The following FERMT3 variants were observed in gnomAD, a reference collection of about 807,000 sequenced individuals.
The protein encoded by FERMT3 is fermitin family homolog 3.
In FERMT3, 33 loss-of-function variants were observed where a neutral mutation model predicts 80.8. The observed-to-expected ratio is 0.41, with a 90% CI of 0.31 to 0.55. FERMT3 has a LOEUF of 0.55. Among genes scored for constraint, FERMT3 ranks in the 20% least tolerant of loss-of-function variants. The pLI is 0.31. For synonymous variants in FERMT3, 375 were observed against 372.2 expected (o/e 1.01, Z -0.09); for missense variants, 754 against 908.7 (o/e 0.83, Z 2.19).
intron 6 of FERMT3, among the ~76,000 whole-genome samples, chr11:64,215,303 G>C (rs1432729462): frequency 6.6e-6 from 1 of 152,178 alleles, no homozygotes; most frequent in Non-Finnish European, 1.5e-5. Context: ...TAATAAAGTT[G>C]AGTCCCTTTT....
At chr11:64,222,784 C>T (rs573187837) in intron 13 of FERMT3, among the ~76,000 whole-genome samples, 4 of 152,222 alleles carry the variant, frequency 2.6e-5, no homozygotes, top group Non-Finnish European at 4.4e-5. Flanking sequence ...AGGATGGTAA[C>T]AAAAACCAAA....
rs141947569 is a variant in FERMT3, at chr11:64,216,933, G to A, written c.787-2318G>A. 7.2e-4 allele frequency among the ~76,000 whole-genome samples: 110 copies of A among 151,766 alleles called. 2 individuals are homozygous for A. In the East Asian group the frequency reaches 0.019, roughly 26 times the overall value. On this transcript the variant is annotated intron_variant, in intron 6 of 14. Coordinates refer to ENST00000345728, the MANE Select transcript of FERMT3 (RefSeq NM_031471.6). ...ATTTCCTCCAAGCTGTTTTATTCTT[G>A]TTGTCTTGGTCTCTATGGTTCACTC...
chr11:64,223,611 C>T lies in FERMT3; in HGVS notation c.*119C>T, dbSNP rs760675683. 8.0e-5 allele frequency: 98 copies of T among 1,224,904 alleles called. No homozygotes were observed. In the Middle Eastern group the frequency reaches 2.1e-3, roughly 26 times the overall value. The allele number at this position is 1,224,904 out of a possible 1,614,324, so 75.9% of individuals were successfully genotyped here. A position where few individuals can be genotyped will look rare whatever the true frequency, so the allele number is the denominator to read the frequency against. On this transcript the variant is annotated 3_prime_UTR_variant, in exon 15 of 15. Transcript: ENST00000345728. Reference sequence around the variant, plus strand: ...GGCAGGCACCCAGCTGGGCATTTCACCTGCTGTCACTGACTTTGTGCAGGC... The same window carrying T: ...GGCAGGCACCCAGCTGGGCATTTCATCTGCTGTCACTGACTTTGTGCAGGC...
At position 64,210,462 on chromosome 11, in the gene FERMT3, T is replaced by C; in HGVS notation, c.161-149T>C. 1 of 769,376 alleles carries C rather than the reference T, an allele frequency of 1.3e-6. No individual in the cohort carries two copies. The highest frequency in any genetic ancestry group is 2.2e-6 in the Non-Finnish European group (1 of 458,928). 47.7% of individuals were successfully genotyped at this position (769,376 alleles called of 1,614,324 possible). ...GAGCCCTGCTGCTGTTACCATGGGGTAGACCCCAGGCCCGCCCAGGCTGCC... is the reference window on the plus strand; with the variant it reads ...GAGCCCTGCTGCTGTTACCATGGGGCAGACCCCAGGCCCGCCCAGGCTGCC... On this transcript the variant is annotated intron_variant, in intron 2 of 14. Transcript: ENST00000345728. The surrounding 1 kb of genome is among the most constrained non-coding windows in gnomAD (Gnocchi z 4.3).
chr11:64,207,088 C>T lies in FERMT3; in HGVS notation c.-14-263C>T, dbSNP rs542531882. ...GAGCACGGTGGTCCTGAGTGAGCCC[C>T]TTCTTACCCGGCCTCAGTCTGCCCG... On this transcript the variant is annotated intron_variant, in intron 1 of 14. Transcript: ENST00000345728. Among the ~76,000 whole-genome samples the T allele has an allele frequency of 2.6e-5, 4 of 152,278 alleles. No individual in the cohort carries two copies. The South Asian group carries it at 8.3e-4, about 32-fold the overall frequency.
Position 64,223,433 on chromosome 11 carries a change from G to T in FERMT3, c.1933G>T (p.Gly645Trp). 6.2e-7 allele frequency: 1 copy of T among 1,613,188 alleles called. No homozygotes were observed. The highest frequency in any genetic ancestry group is 1.1e-5 in the South Asian group (1 of 91,088). ...IFLSTRERAR[G>W]EELDEDLFLQ... is the part of the protein sequence containing the mutation. ...CCTGTCGACGCGGGAGCGGGCCCGT[G>T]GGGAGGAGCTGGATGAAGACCTCTT... is the stretch of plus-strand genomic sequence containing the variant. The change falls in exon 15 of 15, where the codon GGG (glycine) becomes TGG (tryptophan). Residue 645 changes from glycine to tryptophan, a missense_variant. Coordinates refer to ENST00000345728, the MANE Select transcript of FERMT3 (RefSeq NM_031471.6).
At position 64,219,658 on chromosome 11, in the gene FERMT3, G is replaced by A. The variant is rs1030353661; in HGVS notation, c.1029G>A (p.Leu343=). ...KLEGSAPTDV[L]DSLTTIPELK... is the part of the protein sequence containing the mutation. ...AGGGGTCGGCGCCCACAGATGTGCT[G>A]GTGAGGAGGGGCTCAGGGCAGGGGC... Residue 343 remains leucine (L), a splice_region_variant and synonymous_variant, in exon 8 of 15, where the codon CTG becomes CTA. Coordinates refer to ENST00000345728, the MANE Select transcript of FERMT3 (RefSeq NM_031471.6). The surrounding 1 kb of genome is among the most constrained non-coding windows in gnomAD (Gnocchi z 4.0). The A allele has an allele frequency of 6.2e-7, 1 of 1,613,824 alleles. No individual in the cohort carries two copies. The highest frequency in any genetic ancestry group is 8.5e-7 in the Non-Finnish European group (1 of 1,180,006).
In FERMT3 at chr11:64,219,368, G is replaced by A. The variant is rs112542691; in HGVS notation, c.894+10G>A. The A allele has an allele frequency of 6.4e-5, 102 of 1,584,482 alleles. No homozygotes were observed. In the African/African-American group the frequency reaches 6.5e-4, roughly 10 times the overall value. ...GTTTGCCGCCCTGCAGGTACCAGGC[G>A]GGCCTGGGGGCACCAGGGCAGGTGG... On this transcript the variant is annotated intron_variant, in intron 7 of 14. Transcript: ENST00000345728. The surrounding 1 kb of genome is among the most constrained non-coding windows in gnomAD (Gnocchi z 4.0).
intron 6 of FERMT3, among the ~76,000 whole-genome samples, chr11:64,215,094 G>C (rs895220872): frequency 6.6e-6 from 1 of 152,200 alleles, no homozygotes; most frequent in Non-Finnish European, 1.5e-5. Flanking sequence ...ACAGGCATGA[G>C]CCACCACGCC....
chr11:64,208,410 TCAGA>T (rs1455443895), intron 2 of FERMT3, among the ~76,000 whole-genome samples: 2 of 152,012 alleles, frequency 1.3e-5, no homozygotes, highest in East Asian at 1.9e-4. Flanking sequence ...TAACCTGGAG[TCAGA>T]CAGACCCCGC....
chr11:64,211,010 G>A lies in FERMT3; in HGVS notation c.395-42G>A. ...CACCCATGGGTGAGGTGGGGAGGCT[G>A]CAGCAGGACCTAGTCCCCGCTGAGA... is the stretch of plus-strand genomic sequence containing the variant. On this transcript the variant is annotated intron_variant, in intron 3 of 14. Transcript: ENST00000345728. The surrounding 1 kb of genome is among the most constrained non-coding windows in gnomAD (Gnocchi z 4.7). 2 of 1,608,340 alleles carry A rather than the reference G, an allele frequency of 1.2e-6. No homozygotes were observed. Among genetic ancestry groups the A allele is most frequent in the South Asian group, 1.1e-5 (1 of 90,018 alleles).
At chr11:64,207,618 C>A (rs1946341867) in intron 2 of FERMT3, 94 bp downstream of exon 2, 1 of 1,446,034 alleles carries the variant, frequency 6.9e-7, no homozygotes, top group Admixed American at 2.1e-5. Flanking sequence ...CTGCTCAGCT[C>A]CCGATAATGG....
chr11:64,212,104 C>T (rs1946455665), intron 6 of FERMT3, among the ~76,000 whole-genome samples: 1 of 152,148 alleles, frequency 6.6e-6, no homozygotes, highest in Non-Finnish European at 1.5e-5. Context: ...AGGCCCAAGC[C>T]TGGGAGCTCT....
At chr11:64,208,642 G>A (rs1311222445) in intron 2 of FERMT3, among the ~76,000 whole-genome samples, 2 of 152,226 alleles carry the variant, frequency 1.3e-5, no homozygotes, top group African/African-American at 4.8e-5. Flanking sequence ...ATGGGGGCCT[G>A]GAGCCAGAGG....
chr11:64,220,027 G>C lies in FERMT3; in HGVS notation c.1204+12G>C. 1 of 1,612,956 alleles carries C rather than the reference G, an allele frequency of 6.2e-7. No homozygotes were observed. The highest frequency in any genetic ancestry group is 8.5e-7 in the Non-Finnish European group (1 of 1,179,600). On this transcript the variant is annotated intron_variant, in intron 10 of 14. Transcript: ENST00000345728. ...GCTCAACCTCAAGGGTAAGTGCACA[G>C]GGCCAGGGGCTGGGTGGGGGGATCC...
Position 64,219,693 on chromosome 11 carries a change from A to G in FERMT3, c.1029+35A>G, listed in dbSNP as rs762601394. Reference sequence around the variant, plus strand: ...GGCTCAGGGCAGGGGCTGGGCAGGGAGAACTGTGAGGTACCGGGTGCCCCT... The same window carrying G: ...GGCTCAGGGCAGGGGCTGGGCAGGGGGAACTGTGAGGTACCGGGTGCCCCT... On this transcript the variant is annotated intron_variant, in intron 8 of 14. Coordinates refer to ENST00000345728, the MANE Select transcript of FERMT3 (RefSeq NM_031471.6). This position sits in a 1 kb window ranked among gnomAD's most constrained non-coding sequence, Gnocchi z 4.0. The G allele has an allele frequency of 1.1e-5, 17 of 1,611,786 alleles. No homozygotes were observed. The highest frequency in any genetic ancestry group is 1.4e-5 in the Non-Finnish European group (17 of 1,179,240).
Position 64,219,291 on chromosome 11 carries a change from G to C in FERMT3, c.827G>C (p.Arg276Pro). 6.2e-7 allele frequency: 1 copy of C among 1,608,570 alleles called. No homozygotes were observed. Among genetic ancestry groups the C allele is most frequent in the Non-Finnish European group, 8.5e-7 (1 of 1,177,768 alleles). ...CTGACACAGCTGTATGAGCAGGCCC[G>C]GTGGGACCTGCTGCTGGAGGAGATT... The part of the protein sequence containing the change: ...VRLTQLYEQA[R>P]WDLLLEEIDC... The change falls in exon 7 of 15, where the codon CGG (arginine) becomes CCG (proline). Residue 276 changes from arginine to proline, a missense_variant. Arg to Pro is a moderately radical substitution (Grantham distance 103). Coordinates refer to ENST00000345728, the MANE Select transcript of FERMT3 (RefSeq NM_031471.6). The surrounding 1 kb of genome is among the most constrained non-coding windows in gnomAD (Gnocchi z 4.0).
In FERMT3 at chr11:64,211,505, C is replaced by T; in HGVS notation, c.683+62C>T. On this transcript the variant is annotated intron_variant, in intron 5 of 14. Coordinates refer to ENST00000345728, the MANE Select transcript of FERMT3 (RefSeq NM_031471.6). This position sits in a 1 kb window ranked among gnomAD's most constrained non-coding sequence, Gnocchi z 4.7. ...CCCCACCCAGGATCCACCCCCTGTC[C>T]CGTGTCTGTGCCCACCCCAGATCCA... is the stretch of plus-strand genomic sequence containing the variant. The T allele has an allele frequency of 6.6e-7, 1 of 1,520,508 alleles. No homozygotes were observed. Among genetic ancestry groups the T allele is most frequent in the Non-Finnish European group, 8.8e-7 (1 of 1,133,808 alleles). 94.2% of individuals were successfully genotyped at this position (1,520,508 alleles called of 1,614,324 possible). A position where few individuals can be genotyped will look rare whatever the true frequency, so the allele number is the denominator to read the frequency against.
intron 6 of FERMT3, among the ~76,000 whole-genome samples, chr11:64,212,038 C>T (rs1264489604): frequency 6.6e-6 from 1 of 152,210 alleles, no homozygotes; most frequent in Non-Finnish European, 1.5e-5. Context: ...ACCCACAGAT[C>T]CTCATAGACA....
Sources: allele counts gnomAD v4.1 joint callset (sites outside exome capture counted in the v4.1 genomes callset), GRCh38; gene constraint gnomAD v4.1.1; non-coding constraint Gnocchi (gnomAD v3.1); transcripts MANE v1.5; gene names NCBI Gene and HGNC (gene_info 2026-07-23, HGNC 2026-07-21).